The following WNK2 variants were observed in gnomAD, a reference collection of about 807,000 sequenced individuals.
The protein encoded by WNK2 is WNK lysine deficient protein kinase 2.
Under a neutral mutation model 192.1 loss-of-function variants are expected in WNK2, and 67 were observed. The ratio of observed to expected loss-of-function variants is 0.35; its 90% CI spans 0.29 to 0.43. The LOEUF (loss-of-function observed/expected upper bound fraction) is 0.43, where lower values mean the gene tolerates loss of function less well. Ranked by LOEUF, WNK2 falls within the 20% of genes least tolerant of loss-of-function variation. The pLI, the probability that WNK2 is intolerant of heterozygous loss-of-function variation, is 1.00. For synonymous variants in WNK2, 1,439 were observed against 1,393.9 expected (o/e 1.03, Z -0.72); for missense variants, 2,698 against 3,089.7 (o/e 0.87, Z 3.01).
chr9:93,306,939 C>A, intron 27 of WNK2, 118 bp downstream of exon 27: 2 of 1,291,726 alleles, frequency 1.5e-6, no homozygotes, highest in Non-Finnish European at 2.2e-6. Context: ...GCCTGCCCCG[C>A]GCCTGCTCCA....
intron 28 of WNK2, chr9:93,316,160 T>C (rs983073981): frequency 1.1e-4 from 17 of 152,272 alleles, no homozygotes; most frequent in Non-Finnish European, 2.2e-4. Context: ...CTTATCATTG[T>C]GGCAACACCA....
intron 28 of WNK2, chr9:93,308,966 G>A (rs1853134318): frequency 2.8e-6 from 3 of 1,065,178 alleles, no homozygotes; most frequent in South Asian, 7.2e-5. Flanking sequence ...GGAGACCAGG[G>A]CAGGTGTGCA....
rs776651162 is a variant in WNK2 at position 93,288,794 on chromosome 9, C to T, written c.4040C>T (p.Ala1347Val). The change falls in exon 20 of 30, where the codon GCG becomes GTG. Residue 1347 changes from alanine to valine, a missense_variant. This residue lies in a region of WNK2 where 1,098 missense variants were observed against 1,101.0 expected (regional missense o/e 1.00). Transcript: ENST00000427277. ...TTTTCCCCATTTCTTCTAGATTCAG[C>T]GCCCTATAAAGACCAGCTGTCCTCG... The part of the protein sequence containing the change: ...SLPPEASQDS[A>V]PYKDQLSSKE... The T allele has an allele frequency of 6.9e-5, 111 of 1,609,162 alleles. 1 individual carries two copies. In the South Asian group the frequency reaches 9.7e-4, roughly 14 times the overall value.
At chr9:93,286,346 GCA>G in intron 19 of WNK2, among the ~76,000 whole-genome samples, 2 of 152,262 alleles carry the variant, frequency 1.3e-5, no homozygotes, top group Middle Eastern at 6.8e-3. Context: ...AGAAAAGCAG[GCA>G]AGAGACTTGA....
intron 19 of WNK2, 128 bp downstream of exon 19, chr9:93,268,874 A>G (rs1441695660): frequency 2.5e-6 from 4 of 1,573,078 alleles, no homozygotes; most frequent in East Asian, 2.4e-5. Flanking sequence ...CCTGTCTCCC[A>G]TGGCGCAGAG....
At chr9:93,261,727 C>T (rs1460696205) in intron 12 of WNK2, 87 bp from the exon 13 acceptor site, 1 of 1,481,130 alleles carries the variant, frequency 6.8e-7, no homozygotes, top group South Asian at 1.3e-5. Flanking sequence ...CCATCTCGGC[C>T]TGGGTATTCC....
intron 19 of WNK2, among the ~76,000 whole-genome samples, chr9:93,276,708 G>T (rs2133455389): frequency 6.6e-6 from 1 of 152,272 alleles, no homozygotes; most frequent in African/African-American, 2.4e-5. Context: ...AATATTTAAA[G>T]AATTCTCAAA....
chr9:93,239,809 G>A lies in WNK2; in HGVS notation c.1375G>A (p.Val459Met), dbSNP rs1252562905. 4.4e-6 allele frequency: 7 copies of A among 1,579,860 alleles called. No homozygotes were observed. The highest frequency in any genetic ancestry group is 2.3e-5 in the East Asian group (1 of 42,864). ...CGCCTTCTTCGCAGAGGACACAGGCGTGAGGGTGGAGCTCGCGGAGGAGGA... is the reference window on the plus strand; with the variant it reads ...CGCCTTCTTCGCAGAGGACACAGGCATGAGGGTGGAGCTCGCGGAGGAGGA... ...SHAFFAEDTGVRVELAEEDHG... is the reference protein window; with the variant it reads ...SHAFFAEDTGMRVELAEEDHG... The change falls in exon 7 of 30, where the codon GTG (valine) becomes ATG (methionine). Residue 459 changes from valine to methionine, a missense_variant. By Grantham distance (21) the Val-to-Met change is conservative. This residue lies in a region of WNK2 where 230 missense variants were observed against 501.1 expected (regional missense o/e 0.46). Transcript: ENST00000427277. This position sits in a 1 kb window ranked among gnomAD's most constrained non-coding sequence, Gnocchi z 4.2.
In WNK2 at chr9:93,289,241, C is replaced by G. The variant is rs769914533; in HGVS notation, c.4487C>G (p.Pro1496Arg). 63 of 1,604,224 alleles carry G rather than the reference C, an allele frequency of 3.9e-5. No individual in the cohort carries two copies. The highest frequency in any genetic ancestry group is 5.2e-5 in the Non-Finnish European group (61 of 1,177,888). The change falls in exon 20 of 30, where the codon CCT (proline) becomes CGT (arginine). Residue 1496 changes from proline (P) to arginine (R), a missense_variant. Around this residue, in one of 7 missense-constraint regions of WNK2, gnomAD observed 1,098 missense variants for 1,101.0 expected, o/e 1.00. Transcript: ENST00000427277. ...ACCCCACAGCCCGCCTTGGGTCAAC[C>G]TGCTCCCCTGCTTCCTGCCGCAGTG... ...SGTPQPALGQ[P>R]APLLPAAVGA...
rs761505074 is a variant in WNK2 at position 93,257,106 on chromosome 9, G to T, written c.2349G>T (p.Ala783=). 2 of 1,608,556 alleles carry T rather than the reference G, an allele frequency of 1.2e-6. No individual in the cohort carries two copies. Among genetic ancestry groups the T allele is most frequent in the African/African-American group, 1.3e-5 (1 of 74,760 alleles). Residue 783 remains alanine (A), a synonymous_variant, in exon 11 of 30, where the codon GCG becomes GCT. Coordinates refer to ENST00000427277, the MANE Select transcript of WNK2 (RefSeq NM_006648.4). This position sits in a 1 kb window ranked among gnomAD's most constrained non-coding sequence, Gnocchi z 4.7. ...TGAAGCCCCTCCAGATGCCACAGGC[G>T]CCCCTGCAGCCGCTTGCTCAAGTCC... ...AQLKPLQMPQ[A]PLQPLAQVPP...
chr9:93,318,516 G>A, intron 29 of WNK2: 8 of 1,614,142 alleles, frequency 5.0e-6, no homozygotes, highest in Non-Finnish European at 6.8e-6. Flanking sequence ...GAAAACGTTA[G>A]GTGAGCAGAC....
chr9:93,299,568 G>A (rs570145734), intron 25 of WNK2, among the ~76,000 whole-genome samples: 14 of 152,222 alleles, frequency 9.2e-5, no homozygotes, highest in Non-Finnish European at 1.9e-4. Context: ...TGTGTGCTCC[G>A]GCGCCAGTTC....
chr9:93,267,982 G>A (rs771976855), intron 17 of WNK2, 38 bp from the exon 18 acceptor site: 3 of 1,606,930 alleles, frequency 1.9e-6, no homozygotes, highest in East Asian at 2.2e-5. Flanking sequence ...GGGCGCTGCA[G>A]CTCAGTGGGC....
intron 2 of WNK2, among the ~76,000 whole-genome samples, chr9:93,224,419 G>T (rs889147064): frequency 6.6e-6 from 1 of 152,204 alleles, no homozygotes; most frequent in African/African-American, 2.4e-5. Flanking sequence ...AACCTCTGAT[G>T]CTCTCAGTCA....
chr9:93,245,447 C>T (rs1841522376), intron 7 of WNK2, among the ~76,000 whole-genome samples: 1 of 152,198 alleles, frequency 6.6e-6, no homozygotes, highest in Non-Finnish European at 1.5e-5. Flanking sequence ...GTGGGTGGGT[C>T]ACAGTCAGGT....
At chr9:93,228,248 G>T (rs1176310415) in intron 2 of WNK2, among the ~76,000 whole-genome samples, 1 of 152,140 alleles carries the variant, frequency 6.6e-6, no homozygotes, top group Non-Finnish European at 1.5e-5. Flanking sequence ...GGGTCTCATG[G>T]GCGCGGCTGC....
chr9:93,271,995 A>C (rs1393107392), intron 19 of WNK2, among the ~76,000 whole-genome samples: 1 of 152,228 alleles, frequency 6.6e-6, no homozygotes, highest in Non-Finnish European at 1.5e-5. Flanking sequence ...TGAAAGAAAA[A>C]ACTGTCCATC....
intron 19 of WNK2, among the ~76,000 whole-genome samples, chr9:93,285,085 A>G (rs1286199204): frequency 1.3e-5 from 2 of 152,236 alleles, no homozygotes; most frequent in Non-Finnish European, 2.9e-5. Flanking sequence ...TTTTGTTAAG[A>G]ATTTGGACAA....
In WNK2 at chr9:93,214,697, G is replaced by GCCCCCCC. The variant is rs371026822; in HGVS notation, c.682-14991_682-14985dup. 5.2e-4 allele frequency among the ~76,000 whole-genome samples: 42 copies of GCCCCCCC among 80,274 alleles called. 1 individual carries two copies. Among genetic ancestry groups the GCCCCCCC allele is most frequent in the Non-Finnish European group, 7.1e-4 (28 of 39,478 alleles). The allele number at this position is 80,274 out of a possible 152,430, so 52.7% of individuals were successfully genotyped here. ...TACTTGCTGCCCCTTTGAAGGTAGT[G>GCCCCCCC]CCCCCCCCCCCCCCGCCCTCTCTTT... On this transcript the variant is annotated intron_variant, in intron 2 of 29. Coordinates refer to ENST00000427277, the MANE Select transcript of WNK2 (RefSeq NM_006648.4).
Sources: allele counts gnomAD v4.1 joint callset (sites outside exome capture counted in the v4.1 genomes callset), GRCh38; gene constraint gnomAD v4.1.1; regional missense constraint gnomAD v4.1.1; non-coding constraint Gnocchi (gnomAD v3.1); transcripts MANE v1.5; gene names NCBI Gene and HGNC (gene_info 2026-07-23, HGNC 2026-07-21).